FBXO16: variants seen among roughly 807,000 people sequenced by gnomAD.
FBXO16 encodes the protein F-box protein 16.
In FBXO16, 31 loss-of-function variants were observed where a neutral mutation model predicts 41.0. The ratio of observed to expected loss-of-function variants is 0.76; its 90% CI spans 0.57 to 1.02. The LOEUF (loss-of-function observed/expected upper bound fraction) is 1.02. Ranked by LOEUF, FBXO16 falls within the 50% of genes least tolerant of loss-of-function variation. FBXO16 has a pLI of 0.00. For synonymous variants in FBXO16, 133 were observed against 117.8 expected (o/e 1.13, Z -0.84); for missense variants, 361 against 346.2 (o/e 1.04, Z -0.34).
At chr8:28,463,206 T>C (rs1563365357) in intron 4 of FBXO16, among the ~76,000 whole-genome samples, 2 of 149,998 alleles carry the variant, frequency 1.3e-5, no homozygotes, top group African/African-American at 4.9e-5. Context: ...GTGTATGTGT[T>C]TGTGTGTTTA....
intron 3 of FBXO16, among the ~76,000 whole-genome samples, chr8:28,472,328 C>A (rs149592733): frequency 2.6e-5 from 4 of 152,022 alleles, no homozygotes; most frequent in Non-Finnish European, 5.9e-5. Flanking sequence ...CTCAAACTCC[C>A]GGCCTTAAGC....
intron 5 of FBXO16, among the ~76,000 whole-genome samples, chr8:28,454,751 AGGATCATT>A (rs1803012466): frequency 2.4e-5 from 1 of 40,990 alleles, no homozygotes; most frequent in African/African-American, 8.1e-5. Flanking sequence ...AAAAAAAAAA[AGGATCATT>A]AATTCTATAT....
intron 7 of FBXO16, among the ~76,000 whole-genome samples, chr8:28,431,894 C>T (rs1238345346): frequency 1.1e-4 from 17 of 152,078 alleles, no homozygotes. Flanking sequence ...CGAAAAATCT[C>T]CCCCCACCTC....
At chr8:28,461,277 T>C (rs1803130406) in intron 4 of FBXO16, among the ~76,000 whole-genome samples, 1 of 152,162 alleles carries the variant, frequency 6.6e-6, no homozygotes. Context: ...CTGGAACTGC[T>C]GGGGCAAAGG....
intron 7 of FBXO16, among the ~76,000 whole-genome samples, chr8:28,441,924 G>T (rs1285810811): frequency 8.2e-6 from 1 of 121,866 alleles, no homozygotes; most frequent in African/African-American, 5.0e-5. Flanking sequence ...GTGTGTGTGT[G>T]TGTGTGTGTG....
chr8:28,431,300 A>C (rs1027344566), intron 7 of FBXO16, among the ~76,000 whole-genome samples: 1 of 152,182 alleles, frequency 6.6e-6, no homozygotes, highest in Non-Finnish European at 1.5e-5. Flanking sequence ...GGCTGAGGGA[A>C]GATGGTCTCC....
chr8:28,488,649 G>A (rs1317755895), intron 1 of FBXO16, among the ~76,000 whole-genome samples: 1 of 151,976 alleles, frequency 6.6e-6, no homozygotes. Context: ...ACCTTACTAA[G>A]TATCTACAAG....
At chr8:28,464,749 G>A (rs1803205744) in intron 3 of FBXO16, among the ~76,000 whole-genome samples, 1 of 152,138 alleles carries the variant, frequency 6.6e-6, no homozygotes. Flanking sequence ...CACCTCCTGG[G>A]TTCAAGTGAT....
chr8:28,451,278 T>C (rs1224652925), intron 6 of FBXO16, among the ~76,000 whole-genome samples: 2 of 152,202 alleles, frequency 1.3e-5, no homozygotes, highest in African/African-American at 2.4e-5. Flanking sequence ...AGGATGTTTT[T>C]AGGTTTGAAA....
intron 1 of FBXO16, among the ~76,000 whole-genome samples, chr8:28,483,803 G>A (rs779062926): frequency 1.9e-4 from 29 of 152,264 alleles, no homozygotes; most frequent in Middle Eastern, 3.4e-3. Context: ...TGGCACCACT[G>A]TACTCCAGCC....
At chr8:28,469,774 A>ATG (rs1310552960) in intron 3 of FBXO16, among the ~76,000 whole-genome samples, 2 of 151,772 alleles carry the variant, frequency 1.3e-5, no homozygotes, top group Admixed American at 6.6e-5. Flanking sequence ...GATGGCGCAC[A>ATG]CCTGTAATCC....
At chr8:28,447,774 T>C (rs1022399147) in intron 6 of FBXO16, among the ~76,000 whole-genome samples, 80 of 152,028 alleles carry the variant, frequency 5.3e-4, no homozygotes, top group Non-Finnish European at 3.4e-4. Context: ...GCCAACATGG[T>C]GAAACCCCAT....
intron 7 of FBXO16, among the ~76,000 whole-genome samples, chr8:28,435,620 A>G (rs896687490): frequency 6.6e-6 from 1 of 152,012 alleles, no homozygotes; most frequent in African/African-American, 2.4e-5. Flanking sequence ...CAGAATGGGG[A>G]GTGCATGCTG....
chr8:28,462,798 T>G (rs1160346932), intron 4 of FBXO16, among the ~76,000 whole-genome samples: 1 of 152,230 alleles, frequency 6.6e-6, no homozygotes, highest in African/African-American at 2.4e-5. Context: ...AAGGCCTGTA[T>G]GAGCACACCT....
chr8:28,458,656 G>A (rs969830928), intron 4 of FBXO16, among the ~76,000 whole-genome samples: 4 of 148,226 alleles, frequency 2.7e-5, no homozygotes, highest in Non-Finnish European at 4.4e-5. Context: ...GGGATCAAGC[G>A]ATTCTCCTGC....
chr8:28,454,391 AG>A (rs1465792279), intron 5 of FBXO16, among the ~76,000 whole-genome samples: 1 of 151,670 alleles, frequency 6.6e-6, no homozygotes, highest in Non-Finnish European at 1.5e-5. Flanking sequence ...AAATAACTTC[AG>A]GGGGAAATTT....
intron 1 of FBXO16, among the ~76,000 whole-genome samples, chr8:28,487,877 A>G (rs1803627933): frequency 6.6e-6 from 1 of 150,918 alleles, no homozygotes; most frequent in Non-Finnish European, 1.5e-5. Context: ...AGGTGGAGCA[A>G]AATCTTGCTC....
chr8:28,486,782 G>A (rs1803610240), intron 1 of FBXO16, among the ~76,000 whole-genome samples: 1 of 152,030 alleles, frequency 6.6e-6, no homozygotes, highest in South Asian at 2.1e-4. Context: ...TGAGGCTGCG[G>A]TAAGCTGTGA....
At chr8:28,435,853 G>A (rs889822542) in intron 7 of FBXO16, among the ~76,000 whole-genome samples, 9 of 152,130 alleles carry the variant, frequency 5.9e-5, no homozygotes, top group African/African-American at 1.2e-4. Flanking sequence ...ATAGCTTGGC[G>A]GTGGGATTTC....
Sources: gnomAD v4.1 joint callset for allele counts (sites outside exome capture counted in the v4.1 genomes callset) on GRCh38, gnomAD v4.1.1 for gene constraint, MANE v1.5 for transcripts, NCBI Gene and HGNC (gene_info 2026-07-23, HGNC 2026-07-21) for gene names.